The following CYP26B1 variants were observed in gnomAD, a reference collection of about 807,000 sequenced individuals.
The protein encoded by CYP26B1 is cytochrome P450 family 26 subfamily B member 1, also known as cytochrome P450 26B1.
Under a neutral mutation model 39.1 loss-of-function variants are expected in CYP26B1, and 8 were observed. That is an observed-to-expected ratio of 0.20 (90% CI 0.12 to 0.37). CYP26B1 has a LOEUF of 0.37. Among genes scored for constraint, CYP26B1 ranks in the 10% least tolerant of loss-of-function variants. CYP26B1 has a pLI of 1.00. For synonymous variants in CYP26B1, 321 were observed against 314.3 expected (o/e 1.02, Z -0.23); for missense variants, 615 against 707.0 (o/e 0.87, Z 1.48).
At position 72,132,236 on chromosome 2, in the gene CYP26B1, G is replaced by A. The variant is rs1162035676; in HGVS notation, c.1530C>T (p.Ala510=). The A allele has an allele frequency of 4.4e-6, 7 of 1,601,004 alleles. No individual in the cohort carries two copies. Among genetic ancestry groups the A allele is most frequent in the Admixed American group, 1.7e-5 (1 of 57,986 alleles). ...GCGGGTGGGTCTTGGGTTAGACTGT[G>A]GCGCTCAGCATGGCCTCCGTCTCCG... ...ILPETEAMLS[A]TV Residue 510 remains alanine, a synonymous_variant, in exon 6 of 6, where the codon GCC becomes GCT. Transcript: ENST00000001146.
chr2:72,144,544 C>T, intron 1 of CYP26B1: 3 of 1,109,284 alleles, frequency 2.7e-6, no homozygotes, highest in Non-Finnish European at 3.3e-6. Context: ...CCCCACACCC[C>T]CACCCCGCGC....
chr2:72,144,520 G>GCCGCCCC, intron 1 of CYP26B1: 1 of 1,155,000 alleles, frequency 8.7e-7, no homozygotes. Context: ...GGGAGTCTCC[G>GCCGCCCC]CCCCCACCCC....
chr2:72,133,227 C>T lies in CYP26B1; in HGVS notation c.942G>A (p.Lys314=), dbSNP rs372023972. 714 of 1,612,202 alleles carry T rather than the reference C, an allele frequency of 4.4e-4. 8 individuals carry two copies. The South Asian group carries it at 7.6e-3, about 17-fold the overall frequency. ...ASTSLIMQLL[K]HPTVLEKLRD... is the part of the protein sequence containing the mutation. ...GCAGCTTCTCCAGCACAGTGGGGTGCTTCAGCAGCTGCATGATGAGTGAGG... is the reference window on the plus strand; with the variant it reads ...GCAGCTTCTCCAGCACAGTGGGGTGTTTCAGCAGCTGCATGATGAGTGAGG... Residue 314 remains lysine (K), a synonymous_variant, in exon 5 of 6, where the codon AAG becomes AAA. Coordinates refer to ENST00000001146, the MANE Select transcript of CYP26B1 (RefSeq NM_019885.4).
Position 72,140,063 on chromosome 2 carries a change from C to A in CYP26B1, c.429+3926G>T, listed in dbSNP as rs192686711. On this transcript the variant is annotated intron_variant, in intron 2 of 5. Transcript: ENST00000001146. ...CAGCATGGGGGGCCCAGGGCCAGGG[C>A]AGACCCCACCGAGCCTTCCCACTCC... 5.0e-3 allele frequency among the ~76,000 whole-genome samples: 768 copies of A among 152,344 alleles called. 5 individuals carry two copies. The highest frequency in any genetic ancestry group is 0.017 in the African/African-American group (693 of 41,574).
chr2:72,133,077 C>A lies in CYP26B1; in HGVS notation c.1092G>T (p.Leu364=). Residue 364 remains leucine, a synonymous_variant, in exon 5 of 6, where the codon CTG becomes CTT. Coordinates refer to ENST00000001146, the MANE Select transcript of CYP26B1 (RefSeq NM_019885.4). ...GGTAGCCGCCGGAAATGGGCGTGAA[C>A]AGGCGCATGACCTCCTTGATGACGC... is the stretch of plus-strand genomic sequence containing the variant. ...LDCVIKEVMR[L]FTPISGGYRT... 6.2e-7 allele frequency: 1 copy of A among 1,613,258 alleles called. No individual in the cohort carries two copies. The highest frequency in any genetic ancestry group is 1.7e-4 in the Middle Eastern group (1 of 6,060).
rs780850034 is a variant in CYP26B1, at chr2:72,134,931, G to A, written c.706-15C>T. 1 of 1,613,120 alleles carries A rather than the reference G, an allele frequency of 6.2e-7. No individual in the cohort carries two copies. Among genetic ancestry groups the A allele is most frequent in the Non-Finnish European group, 8.5e-7 (1 of 1,180,004 alleles). On this transcript the variant is annotated splice_polypyrimidine_tract_variant and intron_variant, in intron 3 of 5. Coordinates refer to ENST00000001146, the MANE Select transcript of CYP26B1 (RefSeq NM_019885.4). ...GCCTGAATGCCCTGCAGAGGTGAGG[G>A]CTGTCACTCATATGGAAGGGCAGGC...
intron 2 of CYP26B1, among the ~76,000 whole-genome samples, chr2:72,137,365 G>C (rs1167111595): frequency 6.6e-6 from 1 of 152,224 alleles, no homozygotes; most frequent in Non-Finnish European, 1.5e-5. Context: ...CTGTAAAACA[G>C]TGAGGTGGAA....
rs1676564428 is a variant in CYP26B1 at position 72,131,249 on chromosome 2, C to G, written c.*978G>C. The G allele has an allele frequency of 6.6e-6, 1 of 152,422 alleles. No individual in the cohort carries two copies. 9.4% of individuals were successfully genotyped at this position (152,422 alleles called of 1,614,324 possible). A position where few individuals can be genotyped will look rare whatever the true frequency, so the allele number is the denominator to read the frequency against. ...AAGGCAGAGGCACCGGACTTCAGTC[C>G]AGGAGTGAGGCTCCGAGATTAAACC... On this transcript the variant is annotated 3_prime_UTR_variant, in exon 6 of 6. Transcript: ENST00000001146.
At chr2:72,135,803 C>G (rs904128550) in intron 2 of CYP26B1, among the ~76,000 whole-genome samples, 1 of 152,168 alleles carries the variant, frequency 6.6e-6, no homozygotes, top group African/African-American at 2.4e-5. Context: ...AGACCTCAAG[C>G]AGGACTTCCT....
chr2:72,135,082 ACC>A, intron 3 of CYP26B1, 60 bp downstream of exon 3: 1 of 1,605,680 alleles, frequency 6.2e-7, no homozygotes, highest in African/African-American at 1.4e-5. Context: ...TCAGCCACCC[ACC>A]CCCAGAGAGG....
intron 2 of CYP26B1, among the ~76,000 whole-genome samples, chr2:72,137,857 C>A (rs900662715): frequency 3.9e-5 from 6 of 152,320 alleles, no homozygotes; most frequent in African/African-American, 1.4e-4. Context: ...GCCACTGCCA[C>A]CCAGCACCTG....
At chr2:72,145,089 C>T (rs1408688222) in intron 1 of CYP26B1, among the ~76,000 whole-genome samples, 3 of 152,164 alleles carry the variant, frequency 2.0e-5, no homozygotes, top group African/African-American at 4.8e-5. Flanking sequence ...TAACCCTTCT[C>T]CTGCCGGGGC....
chr2:72,134,173 C>T (rs1339116243), intron 4 of CYP26B1, among the ~76,000 whole-genome samples: 1 of 152,214 alleles, frequency 6.6e-6, no homozygotes, highest in Admixed American at 6.5e-5. Context: ...CAGTGAGTGT[C>T]CATGGGCACC....
chr2:72,144,643 T>G, intron 1 of CYP26B1: 2 of 260,576 alleles, frequency 7.7e-6, no homozygotes, highest in Non-Finnish European at 1.2e-5. Context: ...AGATTATTTA[T>G]AGCGGTAAGC....
At chr2:72,136,349 C>G (rs72846407) in intron 2 of CYP26B1, among the ~76,000 whole-genome samples, 4,033 of 152,308 alleles carry the variant, frequency 0.026, 79 homozygotes, top group Non-Finnish European at 0.04. Flanking sequence ...TACTGCCCCC[C>G]CAAACACAAC....
intron 2 of CYP26B1, among the ~76,000 whole-genome samples, chr2:72,140,425 A>G (rs758612901): frequency 6.6e-6 from 1 of 152,252 alleles, no homozygotes; most frequent in Non-Finnish European, 1.5e-5. Flanking sequence ...TGTTGGCAGA[A>G]CAAAGGCGTT....
chr2:72,145,099 C>T (rs2104100850), intron 1 of CYP26B1, among the ~76,000 whole-genome samples: 1 of 152,248 alleles, frequency 6.6e-6, no homozygotes, highest in Non-Finnish European at 1.5e-5. Context: ...CCTGCCGGGG[C>T]AGCACCCGGC....
In CYP26B1 at chr2:72,133,223, G is replaced by C. The variant is rs760927777; in HGVS notation, c.946C>G (p.Pro316Ala). 4 of 1,612,268 alleles carry C rather than the reference G, an allele frequency of 2.5e-6. No homozygotes were observed. Among genetic ancestry groups the C allele is most frequent in the Non-Finnish European group, 3.4e-6 (4 of 1,179,718 alleles). The change falls in exon 5 of 6, where the codon CCC becomes GCC. Residue 316 changes from proline to alanine, a missense_variant. Coordinates refer to ENST00000001146, the MANE Select transcript of CYP26B1 (RefSeq NM_019885.4). Reference sequence around the variant, plus strand: ...TCCCGCAGCTTCTCCAGCACAGTGGGGTGCTTCAGCAGCTGCATGATGAGT... The same window carrying C: ...TCCCGCAGCTTCTCCAGCACAGTGGCGTGCTTCAGCAGCTGCATGATGAGT... ...TSLIMQLLKHPTVLEKLRDEL... is the reference protein window; with the variant it reads ...TSLIMQLLKHATVLEKLRDEL...
chr2:72,141,493 T>C (rs1676940425), intron 2 of CYP26B1, among the ~76,000 whole-genome samples: 1 of 151,968 alleles, frequency 6.6e-6, no homozygotes, highest in Non-Finnish European at 1.5e-5. Context: ...ACGCTCCAGT[T>C]CCCCACCAGC....
Sources: allele counts gnomAD v4.1 joint callset (sites outside exome capture counted in the v4.1 genomes callset), GRCh38; gene constraint gnomAD v4.1.1; transcripts MANE v1.5; gene names NCBI Gene and HGNC (gene_info 2026-07-23, HGNC 2026-07-21).